ARNT2: variants seen among roughly 807,000 people sequenced by gnomAD.
ARNT2 encodes the protein ARNT protein 2.
Under a neutral mutation model 91.7 loss-of-function variants are expected in ARNT2, and 36 were observed. The observed-to-expected ratio is 0.39, with a 90% confidence interval of 0.30 to 0.52. ARNT2 has a LOEUF of 0.52. Among genes scored for constraint, ARNT2 ranks in the 20% least tolerant of loss-of-function variants. The pLI, the probability that ARNT2 is intolerant of heterozygous loss-of-function variation, is 0.72. For synonymous variants in ARNT2, 365 were observed against 347.1 expected, an observed-to-expected ratio of 1.05 and a Z score of -0.57; for missense variants, 775 against 939.3, an observed-to-expected ratio of 0.83 and a Z score of 2.29.
chr15:80,589,146 A>G (rs1893229516), intron 17 of ARNT2, among the ~76,000 whole-genome samples: 1 of 152,232 alleles, frequency 6.6e-6, no homozygotes, highest in South Asian at 2.1e-4. Flanking sequence ...GGCACGTGAG[A>G]AAGAGTAGTG....
intron 1 of ARNT2, among the ~76,000 whole-genome samples, chr15:80,446,374 G>A (rs1033885509): frequency 3.3e-5 from 5 of 152,102 alleles, no homozygotes; most frequent in Non-Finnish European, 7.4e-5. Flanking sequence ...GAAACTTAGC[G>A]AGGTTCAATA....
Position 80,591,869 on chromosome 15 carries a change from C to A in ARNT2, c.2055+165C>A. On this transcript the variant is annotated intron_variant, in intron 18 of 18. Coordinates refer to ENST00000303329, the MANE Select transcript of ARNT2 (RefSeq NM_014862.4). This position sits in a 1 kb window ranked among gnomAD's most constrained non-coding sequence, Gnocchi z 5.1. ...AGTAGAAAGCCCCATCCTACCCAGC[C>A]AGAAACGTCAGGTGCATGTGGGAAG... 1 of 679,200 alleles carries A rather than the reference C, an allele frequency of 1.5e-6. No homozygotes were observed. The highest frequency in any genetic ancestry group is 1.8e-6 in the Non-Finnish European group (1 of 550,238). 42.1% of individuals were successfully genotyped at this position (679,200 alleles called of 1,614,324 possible). A position where few individuals can be genotyped will look rare whatever the true frequency, so the allele number is the denominator to read the frequency against.
chr15:80,561,934 A>G (rs1395176787), intron 11 of ARNT2, among the ~76,000 whole-genome samples: 1 of 152,168 alleles, frequency 6.6e-6, no homozygotes, highest in East Asian at 1.9e-4. Flanking sequence ...TATAAACTTT[A>G]TCATAGGTGT....
In ARNT2 at chr15:80,459,537, T is replaced by C. The variant is rs560684679; in HGVS notation, c.194+1561T>C. Among the ~76,000 whole-genome samples, 40 of 152,302 alleles carry C rather than the reference T, an allele frequency of 2.6e-4. 1 individual carries two copies. Among genetic ancestry groups the C allele is most frequent in the African/African-American group, 9.4e-4 (39 of 41,566 alleles). On this transcript the variant is annotated intron_variant, in intron 3 of 18. Transcript: ENST00000303329. ...ATAGCATGCTAACCTTAGGAAATGA[T>C]GATTCCTGGGGCCTCAAAACATAAA...
At chr15:80,414,901 T>C (rs1938736185) in intron 1 of ARNT2, among the ~76,000 whole-genome samples, 1 of 151,648 alleles carries the variant, frequency 6.6e-6, no homozygotes, top group Non-Finnish European at 1.5e-5. Context: ...TGGGGGTGGG[T>C]TGGAAAGATG....
chr15:80,456,272 C>G (rs1051430178), intron 2 of ARNT2, among the ~76,000 whole-genome samples: 2 of 85,620 alleles, frequency 2.3e-5, no homozygotes, highest in African/African-American at 7.2e-5. Context: ...GGCCCTTTAA[C>G]TGTACTTTTT....
intron 18 of ARNT2, 63 bp from the exon 19 acceptor site, chr15:80,593,537 C>A: frequency 7.4e-7 from 1 of 1,349,302 alleles, no homozygotes; most frequent in Non-Finnish European, 1.0e-6. Flanking sequence ...GCTCCTGGGA[C>A]ATGCCCAGTG....
At chr15:80,433,679 C>T (rs1896045678) in intron 1 of ARNT2, 1 of 152,150 alleles carries the variant, frequency 6.6e-6, no homozygotes. Context: ...GGGAAAGCCT[C>T]TTCATTTTCT....
chr15:80,527,297 C>T (rs1296967969), intron 8 of ARNT2, among the ~76,000 whole-genome samples: 1 of 152,168 alleles, frequency 6.6e-6, no homozygotes, highest in Non-Finnish European at 1.5e-5. Flanking sequence ...TGCAAAGCCA[C>T]AGGTCAAGGG....
At chr15:80,416,948 A>G (rs890454504) in intron 1 of ARNT2, among the ~76,000 whole-genome samples, 2 of 152,158 alleles carry the variant, frequency 1.3e-5, no homozygotes, top group African/African-American at 4.8e-5. Context: ...TGGGTCCTAT[A>G]CACCATTTGC....
intron 5 of ARNT2, among the ~76,000 whole-genome samples, chr15:80,486,945 C>G (rs1190761864): frequency 6.6e-6 from 1 of 152,168 alleles, no homozygotes; most frequent in African/African-American, 2.4e-5. Flanking sequence ...CTTTCCTGCT[C>G]TATTCCTCTT....
At chr15:80,457,815 G>T in intron 2 of ARNT2, 114 bp from the exon 3 acceptor site, 2 of 1,118,274 alleles carry the variant, frequency 1.8e-6, no homozygotes, top group East Asian at 2.4e-5. Flanking sequence ...CCAAAGGTTG[G>T]GATCAATGGA....
chr15:80,477,033 C>A (rs1896816116), intron 5 of ARNT2, among the ~76,000 whole-genome samples: 1 of 152,206 alleles, frequency 6.6e-6, no homozygotes. Context: ...GTAGTACCTT[C>A]CCACTCTCTC....
Position 80,580,449 on chromosome 15 carries a change from A to C in ARNT2, c.1652A>C (p.Gln551Pro). 6.2e-7 allele frequency: 1 copy of C among 1,614,126 alleles called. No homozygotes were observed. Reference sequence around the variant, plus strand: ...CATGTGCCTGGAGTGAATGATATTCAGTCCTCTTCTTCCACGGGCCAGAAC... The same window carrying C: ...CATGTGCCTGGAGTGAATGATATTCCGTCCTCTTCTTCCACGGGCCAGAAC... ...VVHVPGVNDI[Q>P]SSSSTGQNMS... The change falls in exon 16 of 19, where the codon CAG (glutamine) becomes CCG (proline). Residue 551 changes from glutamine (Q) to proline (P), a missense_variant. Coordinates refer to ENST00000303329, the MANE Select transcript of ARNT2 (RefSeq NM_014862.4).
intron 1 of ARNT2, among the ~76,000 whole-genome samples, chr15:80,424,115 A>G (rs1404522816): frequency 1.3e-5 from 2 of 152,126 alleles, no homozygotes. Flanking sequence ...ATATTCCTGA[A>G]CCAGGCCCTG....
Position 80,404,527 on chromosome 15 carries a change from G to A in ARNT2, c.12G>A (p.Pro4=), listed in dbSNP as rs774166346. Residue 4 remains proline (P), a synonymous_variant, in exon 1 of 19, where the codon CCG becomes CCA. Transcript: ENST00000303329. The surrounding 1 kb of genome is among the most constrained non-coding windows in gnomAD (Gnocchi z 5.5). The part of the protein sequence containing the change: MAT[P]AAVNPPEMAS... ...CCTCTCCGAGCAAGATGGCAACCCC[G>A]GCGGCGGTCAACCCTCCGGGTGAGT... is the stretch of plus-strand genomic sequence containing the variant. 1.2e-5 allele frequency: 15 copies of A among 1,220,962 alleles called. No homozygotes were observed. In the African/African-American group the frequency reaches 1.9e-4, roughly 16 times the overall value. The allele number at this position is 1,220,962 out of a possible 1,614,324, so 75.6% of individuals were successfully genotyped here.
At chr15:80,426,561 G>A (rs908517264) in intron 1 of ARNT2, among the ~76,000 whole-genome samples, 1 of 152,172 alleles carries the variant, frequency 6.6e-6, no homozygotes, top group South Asian at 2.1e-4. Flanking sequence ...GGGAAGGAGG[G>A]GCTTGGTTCA....
chr15:80,423,984 C>T (rs780635944), intron 1 of ARNT2, among the ~76,000 whole-genome samples: 6 of 152,142 alleles, frequency 3.9e-5, no homozygotes, highest in Non-Finnish European at 7.4e-5. Flanking sequence ...CCTCGTGGTC[C>T]CTTAGCTTTC....
At chr15:80,465,066 G>T (rs1463483919) in intron 3 of ARNT2, among the ~76,000 whole-genome samples, 1 of 152,210 alleles carries the variant, frequency 6.6e-6, no homozygotes, top group African/African-American at 2.4e-5. Flanking sequence ...GGAAGACGGG[G>T]ATTGATGCTT....
Sources: allele counts gnomAD v4.1 joint callset (sites outside exome capture counted in the v4.1 genomes callset), GRCh38; gene constraint gnomAD v4.1.1; non-coding constraint Gnocchi (gnomAD v3.1); transcripts MANE v1.5; gene names NCBI Gene and HGNC (gene_info 2026-07-23, HGNC 2026-07-21).